Variants in NME7 observed in about 807,000 individuals in gnomAD.
NME7 encodes NME/NM23 family member 7, also known as nucleoside diphosphate kinase 7.
In NME7, 41 loss-of-function variants were observed where a neutral mutation model predicts 49.1. The ratio of observed to expected loss-of-function variants is 0.83; its 90% confidence interval spans 0.65 to 1.08. NME7 has a LOEUF of 1.08. Among genes scored for constraint, NME7 ranks in the 50% least tolerant of loss-of-function variants. NME7 has a pLI of 0.00. For missense variants in NME7, 423 were observed against 463.4 expected (o/e 0.91, Z 0.80); for synonymous variants, 139 against 150.6 (o/e 0.92, Z 0.56).
intron 10 of NME7, among the ~76,000 whole-genome samples, chr1:169,194,460 AAAATCTTC>A (rs1660316959): frequency 6.6e-6 from 1 of 152,212 alleles, no homozygotes. Flanking sequence ...AGATAATAGC[AAAATCTTC>A]AAGTTTTAGC....
intron 11 of NME7, among the ~76,000 whole-genome samples, chr1:169,151,857 A>G (rs1288781678): frequency 6.6e-6 from 1 of 152,108 alleles, no homozygotes; most frequent in Non-Finnish European, 1.5e-5. Flanking sequence ...CATTGCCCCT[A>G]CATGACCTGA....
At chr1:169,317,503 G>C (rs1486850328) in intron 3 of NME7, among the ~76,000 whole-genome samples, 1 of 152,198 alleles carries the variant, frequency 6.6e-6, no homozygotes, top group Non-Finnish European at 1.5e-5. Context: ...AAGTAAAGAT[G>C]AGAAAAAGAT....
At chr1:169,345,193 G>A (rs1256458208) in intron 1 of NME7, among the ~76,000 whole-genome samples, 3 of 150,722 alleles carry the variant, frequency 2.0e-5, no homozygotes, top group Admixed American at 1.3e-4. Context: ...TTTCATTCCT[G>A]ATTTTGATAA....
chr1:169,295,226 C>T (rs1650663441), intron 6 of NME7, among the ~76,000 whole-genome samples: 1 of 152,164 alleles, frequency 6.6e-6, no homozygotes, highest in African/African-American at 2.4e-5. Context: ...TATTCCTTCA[C>T]AGCAACACAA....
intron 10 of NME7, among the ~76,000 whole-genome samples, chr1:169,210,591 T>TACAC (rs112929835): frequency 0.24 from 36,268 of 150,852 alleles, 5,224 homozygotes; most frequent in Non-Finnish European, 0.34. Flanking sequence ...AATATTTAAA[T>TACAC]ACACACACAC....
At chr1:169,285,251 T>A (rs1650226964) in intron 7 of NME7, 1 of 152,112 alleles carries the variant, frequency 6.6e-6, no homozygotes. Context: ...CAACGACCAT[T>A]TCCTTTGAGC....
At chr1:169,137,198 A>G (rs1571235446) in intron 11 of NME7, among the ~76,000 whole-genome samples, 1 of 152,242 alleles carries the variant, frequency 6.6e-6, no homozygotes, top group Non-Finnish European at 1.5e-5. Context: ...GGCTGGCTGC[A>G]TGGGCCTGCA....
chr1:169,203,967 C>T (rs1660614147), intron 10 of NME7, among the ~76,000 whole-genome samples: 1 of 152,000 alleles, frequency 6.6e-6, no homozygotes, highest in South Asian at 2.1e-4. Context: ...AGTGATCTTC[C>T]TTCCTCAGTC....
chr1:169,206,740 C>A (rs1345333930), intron 10 of NME7, among the ~76,000 whole-genome samples: 1 of 139,526 alleles, frequency 7.2e-6, no homozygotes. Context: ...TAAAATGTAG[C>A]AGCTGATTTA....
At chr1:169,224,934 G>C (rs971690301) in intron 10 of NME7, among the ~76,000 whole-genome samples, 2 of 152,132 alleles carry the variant, frequency 1.3e-5, no homozygotes, top group African/African-American at 4.8e-5. Context: ...AGAGGAAGTA[G>C]CCATTCTGTC....
At chr1:169,333,332 G>A (rs1344130975) in intron 1 of NME7, among the ~76,000 whole-genome samples, 1 of 152,096 alleles carries the variant, frequency 6.6e-6, no homozygotes, top group African/African-American at 2.4e-5. Context: ...GAGGCTGTAG[G>A]GAAGGTGGGG....
At chr1:169,241,886 C>T (rs564792258) in intron 7 of NME7, among the ~76,000 whole-genome samples, 35 of 151,606 alleles carry the variant, frequency 2.3e-4, no homozygotes, top group East Asian at 1.4e-3. Context: ...GTACAAAAAA[C>T]GAAACTACAC....
intron 1 of NME7, among the ~76,000 whole-genome samples, chr1:169,362,264 TTTAGA>T (rs1342273894): frequency 6.6e-6 from 1 of 152,174 alleles, no homozygotes; most frequent in African/African-American, 2.4e-5. Context: ...ACTTCAAAGG[TTTAGA>T]TTAGTTCTTA....
chr1:169,316,174 T>C (rs1028522049), intron 3 of NME7, among the ~76,000 whole-genome samples: 7 of 151,894 alleles, frequency 4.6e-5, no homozygotes, highest in African/African-American at 1.4e-4. Flanking sequence ...ATGTTGTTTC[T>C]ATCAAAATAA....
Position 169,135,014 on chromosome 1 carries a change from CAAAAAAAAAA to C in NME7, c.1099-2207_1099-2198del, listed in dbSNP as rs58463903. On this transcript the variant is annotated intron_variant, in intron 11 of 11. Coordinates refer to ENST00000367811, the MANE Select transcript of NME7 (RefSeq NM_013330.5). ...ACATAAGGAGATCCCCCCGTCTCTACAAAAAAAAAAAAAAAAAAAAAAAAAAATAGCCGAG... is the reference window on the plus strand; with the variant it reads ...ACATAAGGAGATCCCCCCGTCTCTACAAAAAAAAAAAAAAAAATAGCCGAG... Among the ~76,000 whole-genome samples the C allele has an allele frequency of 3.8e-4, 19 of 50,382 alleles. No individual in the cohort carries two copies. The South Asian group carries it at 4.5e-3, about 12-fold the overall frequency. 33.1% of individuals were successfully genotyped at this position (50,382 alleles called of 152,430 possible).
chr1:169,300,377 A>T (rs1402449775), intron 5 of NME7, among the ~76,000 whole-genome samples: 1 of 152,152 alleles, frequency 6.6e-6, no homozygotes, highest in Non-Finnish European at 1.5e-5. Context: ...TCTTACATAC[A>T]AATTTTTTTA....
intron 7 of NME7, among the ~76,000 whole-genome samples, chr1:169,276,869 G>C (rs1360248999): frequency 6.8e-6 from 1 of 147,664 alleles, no homozygotes; most frequent in Non-Finnish European, 1.5e-5. Context: ...ATGTGTCCCA[G>C]AGATTCTGGT....
intron 10 of NME7, among the ~76,000 whole-genome samples, chr1:169,177,623 A>G (rs1659791334): frequency 6.6e-6 from 1 of 151,978 alleles, no homozygotes; most frequent in African/African-American, 2.4e-5. Context: ...CCTGTCTCTT[A>G]AAGAAAAACT....
chr1:169,174,797 C>A (rs1276324590), intron 10 of NME7, among the ~76,000 whole-genome samples: 2 of 152,076 alleles, frequency 1.3e-5, no homozygotes, highest in African/African-American at 2.4e-5. Flanking sequence ...ATGAATGGAG[C>A]TTGTAGGACT....
Sources: gnomAD v4.1 joint callset for allele counts (sites outside exome capture counted in the v4.1 genomes callset) on GRCh38, gnomAD v4.1.1 for gene constraint, MANE v1.5 for transcripts, NCBI Gene and HGNC (gene_info 2026-07-23, HGNC 2026-07-21) for gene names.